The following ASS1 variants were observed in gnomAD, a reference collection of about 807,000 sequenced individuals.
ASS1 encodes argininosuccinate synthase 1.
A neutral mutation model predicts 60.5 loss-of-function variants in ASS1; 58 were observed. That is an observed-to-expected ratio of 0.96 (90% CI 0.78 to 1.19). ASS1 has a LOEUF of 1.19. Ranked by LOEUF, ASS1 falls within the 50% of genes most tolerant of loss-of-function variation. The pLI is 0.00. For missense variants in ASS1, 454 were observed against 547.3 expected (o/e 0.83, Z 1.70); for synonymous variants, 200 against 206.9 (o/e 0.97, Z 0.29).
intron 12 of ASS1, among the ~76,000 whole-genome samples, chr9:130,493,549 T>C (rs1846504408): frequency 6.6e-6 from 1 of 152,092 alleles, no homozygotes; most frequent in African/African-American, 2.4e-5. Flanking sequence ...CAGAAGCCTG[T>C]CCCCTTTCCC....
chr9:130,474,477 G>T (rs1588490665), intron 8 of ASS1, among the ~76,000 whole-genome samples: 1 of 152,318 alleles, frequency 6.6e-6, no homozygotes. Flanking sequence ...AGGTGGAGGT[G>T]GGAGAGAGCT....
intron 3 of ASS1, 86 bp downstream of exon 3, chr9:130,454,459 A>G: frequency 7.3e-7 from 1 of 1,361,878 alleles, no homozygotes; most frequent in Non-Finnish European, 1.0e-6. Flanking sequence ...CAGGGATCCC[A>G]TCCCTTCCAG....
chr9:130,451,776 C>T, intron 1 of ASS1: 1 of 451,414 alleles, frequency 2.2e-6, no homozygotes, highest in Non-Finnish European at 4.5e-6. Context: ...GCTGAGGCTC[C>T]CAGGGCCCTG....
chr9:130,469,151 C>G (rs76961522), intron 6 of ASS1, among the ~76,000 whole-genome samples: 1 of 152,168 alleles, frequency 6.6e-6, no homozygotes, highest in Non-Finnish European at 1.5e-5. Flanking sequence ...GAGTGAGGAG[C>G]GAGGACGGAG....
At chr9:130,457,604 C>G (rs952966748) in intron 3 of ASS1, among the ~76,000 whole-genome samples, 1 of 152,146 alleles carries the variant, frequency 6.6e-6, no homozygotes, top group Non-Finnish European at 1.5e-5. Context: ...TGTGGCTGGC[C>G]GTCCTGTGCA....
intron 6 of ASS1, among the ~76,000 whole-genome samples, chr9:130,467,531 G>A (rs534013758): frequency 6.6e-6 from 1 of 152,178 alleles, no homozygotes; most frequent in Admixed American, 6.5e-5. Context: ...TGCAGCCAAG[G>A]TGCCGCGTGG....
chr9:130,448,422 G>GCA (rs3085579), intron 1 of ASS1, among the ~76,000 whole-genome samples: 1,497 of 143,354 alleles, frequency 0.01, 15 homozygotes, highest in Non-Finnish European at 0.013. Context: ...GTGTGCGCGC[G>GCA]CACACACACA....
chr9:130,464,907 A>G (rs747600697), intron 5 of ASS1, among the ~76,000 whole-genome samples: 103 of 151,972 alleles, frequency 6.8e-4, no homozygotes, highest in Non-Finnish European at 1.2e-3. Flanking sequence ...TGCAGGGCCC[A>G]GGGCAGGGCC....
At chr9:130,485,023 G>A (rs1421921083) in intron 11 of ASS1, among the ~76,000 whole-genome samples, 1 of 152,146 alleles carries the variant, frequency 6.6e-6, no homozygotes, top group African/African-American at 2.4e-5. Context: ...TGGGGGCTCA[G>A]GAAGAGGAGG....
At chr9:130,467,867 G>A (rs79627214) in intron 6 of ASS1, among the ~76,000 whole-genome samples, 2 of 152,284 alleles carry the variant, frequency 1.3e-5, no homozygotes, top group East Asian at 3.9e-4. Flanking sequence ...CGACCCATAC[G>A]TTGCCCTTTC....
chr9:130,496,517 G>A (rs1846606000), intron 13 of ASS1, among the ~76,000 whole-genome samples: 1 of 151,076 alleles, frequency 6.6e-6, no homozygotes, highest in Admixed American at 6.6e-5. Context: ...CTTGAGCCCA[G>A]GAGCTGGAGG....
chr9:130,469,652 G>A (rs768355881), intron 6 of ASS1, among the ~76,000 whole-genome samples: 5 of 152,250 alleles, frequency 3.3e-5, no homozygotes, highest in Middle Eastern at 3.4e-3. Flanking sequence ...CCTCAAGTGA[G>A]CCACTGCACC....
Position 130,477,743 on chromosome 9 carries a change from G to A in ASS1, c.688+782G>A, listed in dbSNP as rs1846056976. On this transcript the variant is annotated intron_variant, in intron 9 of 14. Coordinates refer to ENST00000352480, the MANE Select transcript of ASS1 (RefSeq NM_054012.4). The surrounding 1 kb of genome is among the most constrained non-coding windows in gnomAD (Gnocchi z 4.2). ...TTTTCAGGAGGCTGGAGTGATCAGG[G>A]AGGCTTCCTGGAGGAGGTGGTGCTG... 6.6e-6 allele frequency among the ~76,000 whole-genome samples: 1 copy of A among 152,206 alleles called. No homozygotes were observed.
At position 130,445,097 on chromosome 9, in the gene ASS1, G is replaced by A. The variant is rs1013131397; in HGVS notation, c.-6+102G>A. 9.4e-6 allele frequency: 9 copies of A among 962,266 alleles called. No homozygotes were observed. In the African/African-American group the frequency reaches 1.6e-4, roughly 17 times the overall value. 59.6% of individuals were successfully genotyped at this position (962,266 alleles called of 1,614,324 possible). ...GTAGAAGACGCCCGCCCCGGGGCCC[G>A]CGGAGGCAGAGGGCGGACCCCGATC... On this transcript the variant is annotated intron_variant, in intron 1 of 14. Coordinates refer to ENST00000352480, the MANE Select transcript of ASS1 (RefSeq NM_054012.4).
intron 6 of ASS1, among the ~76,000 whole-genome samples, chr9:130,468,368 A>G (rs1431945828): frequency 2.0e-5 from 3 of 152,116 alleles, no homozygotes; most frequent in Non-Finnish European, 4.4e-5. Context: ...TCCAACGGAA[A>G]AACACTCAGA....
chr9:130,489,535 G>A lies in ASS1; in HGVS notation c.970+71G>A. On this transcript the variant is annotated intron_variant, in intron 12 of 14. Coordinates refer to ENST00000352480, the MANE Select transcript of ASS1 (RefSeq NM_054012.4). This position sits in a 1 kb window ranked among gnomAD's most constrained non-coding sequence, Gnocchi z 4.1. ...ATCCCAAAGTACTATCAGGCTCTCG[G>A]GCCTGGCCCTCCCCTCCGTATCAGC... is the stretch of plus-strand genomic sequence containing the variant. The A allele has an allele frequency of 6.2e-7, 1 of 1,607,236 alleles. No homozygotes were observed. The highest frequency in any genetic ancestry group is 8.5e-7 in the Non-Finnish European group (1 of 1,175,308).
chr9:130,482,997 G>A (rs1008499364), intron 11 of ASS1, among the ~76,000 whole-genome samples: 2 of 152,204 alleles, frequency 1.3e-5, no homozygotes, highest in South Asian at 2.1e-4. Context: ...TGAGGAGGTC[G>A]TATCATCTCC....
intron 5 of ASS1, chr9:130,466,401 C>A: frequency 2.3e-6 from 1 of 430,070 alleles, no homozygotes; most frequent in South Asian, 2.2e-5. Context: ...AAGGTGCTGG[C>A]AAGGACCATG....
chr9:130,445,303 C>T (rs1326739490), intron 1 of ASS1: 2 of 902,646 alleles, frequency 2.2e-6, no homozygotes, highest in African/African-American at 1.8e-5. Flanking sequence ...CAGCCGGGTC[C>T]TTTCTGGACT....
Sources: gnomAD v4.1 joint callset for allele counts (sites outside exome capture counted in the v4.1 genomes callset) on GRCh38, gnomAD v4.1.1 for gene constraint, Gnocchi (gnomAD v3.1) non-coding constraint, MANE v1.5 for transcripts, NCBI Gene and HGNC (gene_info 2026-07-23, HGNC 2026-07-21) for gene names.